LINGO2: variants seen among roughly 807,000 people sequenced by gnomAD.
The protein encoded by LINGO2 is leucine rich repeat and Ig domain containing 2.
In LINGO2, 14 loss-of-function variants were observed where a neutral mutation model predicts 30.6. That is an observed-to-expected ratio of 0.46 (90% CI 0.30 to 0.72). The LOEUF is 0.72. Among genes scored for constraint, LINGO2 ranks in the 30% least tolerant of loss-of-function variants. LINGO2 has a pLI of 0.07. For synonymous variants in LINGO2, 317 were observed against 288.5 expected, an observed-to-expected ratio of 1.10 and a Z score of -1.00; for missense variants, 729 against 751.7, an observed-to-expected ratio of 0.97 and a Z score of 0.35.
the LINGO2 span, among the ~76,000 whole-genome samples, chr9:29,076,470 G>C: frequency 6.6e-6 from 1 of 151,340 alleles, no homozygotes; most frequent in Non-Finnish European, 1.5e-5. Context: ...GCAGCAATTA[G>C]ACAGAAACTG....
chr9:28,991,994 GAAACA>G, the LINGO2 span, among the ~76,000 whole-genome samples: 1 of 152,164 alleles, frequency 6.6e-6, no homozygotes, highest in Non-Finnish European at 1.5e-5. Context: ...CATAATGACA[GAAACA>G]AATTCACACA....
intron 1 of LINGO2, among the ~76,000 whole-genome samples, chr9:28,577,491 C>A (rs972847996): frequency 2.0e-5 from 3 of 152,242 alleles, no homozygotes; most frequent in African/African-American, 7.2e-5. Context: ...CCACTGTCCA[C>A]AACACTATCT....
intron 5 of LINGO2, among the ~76,000 whole-genome samples, chr9:27,969,438 G>T (rs368253091): frequency 6.6e-6 from 1 of 151,932 alleles, no homozygotes; most frequent in Non-Finnish European, 1.5e-5. Context: ...CATTTACAGG[G>T]CTACTAAATA....
chr9:28,995,884 G>C, the LINGO2 span, among the ~76,000 whole-genome samples: 1 of 82,312 alleles, frequency 1.2e-5, no homozygotes, highest in Admixed American at 1.3e-4. Flanking sequence ...GTAGGGGGAT[G>C]GGGGAGGGAT....
At position 28,051,274 on chromosome 9, in the gene LINGO2, T is replaced by C. The variant is rs141715680; in HGVS notation, c.-86-38869A>G. On this transcript the variant is annotated intron_variant, in intron 4 of 5. Transcript: ENST00000379992. ...TCAGAAAGAATATAGCTAGATACAG[T>C]ATTGGGTCAAGTTCATAAAACATAT... Among the ~76,000 whole-genome samples the C allele has an allele frequency of 2.2e-3, 330 of 152,118 alleles. 8 individuals carry two copies. The highest frequency in any genetic ancestry group is 7.7e-3 in the African/African-American group (321 of 41,492).
chr9:28,830,225 G>T, the LINGO2 span, among the ~76,000 whole-genome samples: 1 of 152,168 alleles, frequency 6.6e-6, no homozygotes, highest in Non-Finnish European at 1.5e-5. Flanking sequence ...AAAAATGCTT[G>T]CTTCTTGGGC....
chr9:28,302,755 T>C (rs1201788691), intron 3 of LINGO2, among the ~76,000 whole-genome samples: 1 of 152,136 alleles, frequency 6.6e-6, no homozygotes, highest in Non-Finnish European at 1.5e-5. Flanking sequence ...AGAAGAGAGA[T>C]GGGAAAATAA....
At chr9:28,334,463 A>G (rs369350070) in intron 3 of LINGO2, among the ~76,000 whole-genome samples, 3 of 152,184 alleles carry the variant, frequency 2.0e-5, no homozygotes, top group East Asian at 3.8e-4. Context: ...TTAGGTATCT[A>G]AAATCATATA....
At chr9:28,702,264 TTG>T in the LINGO2 span, among the ~76,000 whole-genome samples, 1 of 151,926 alleles carries the variant, frequency 6.6e-6, no homozygotes, top group Middle Eastern at 3.4e-3. Context: ...AGAATTTTTT[TTG>T]TAGATGTTCT....
Position 28,401,867 on chromosome 9 carries a change from C to T in LINGO2, c.-278-28999G>A, listed in dbSNP as rs80030589. On this transcript the variant is annotated intron_variant, in intron 2 of 5. Coordinates refer to ENST00000379992, the Ensembl canonical transcript of LINGO2. ...ATGGTATCTCACTGTGGTTTTGATT[C>T]GTATTTCTTTGATGATCAGTGATGT... 1.4e-4 allele frequency among the ~76,000 whole-genome samples: 21 copies of T among 152,066 alleles called. No individual in the cohort carries two copies. In the East Asian group the frequency reaches 1.5e-3, roughly 11 times the overall value.
chr9:28,163,850 A>C (rs1479689839), intron 4 of LINGO2, among the ~76,000 whole-genome samples: 1 of 152,158 alleles, frequency 6.6e-6, no homozygotes, highest in African/African-American at 2.4e-5. Context: ...TAAAGCTCTA[A>C]TAACAATTGT....
chr9:28,899,494 A>C, the LINGO2 span, among the ~76,000 whole-genome samples: 1 of 152,134 alleles, frequency 6.6e-6, no homozygotes. Flanking sequence ...GGCTGACCCC[A>C]GTGGCTCCCT....
At chr9:28,428,860 G>A (rs534061917) in intron 2 of LINGO2, among the ~76,000 whole-genome samples, 2 of 152,194 alleles carry the variant, frequency 1.3e-5, no homozygotes, top group East Asian at 1.9e-4. Context: ...CTGCATTTAG[G>A]GAGAATGTAA....
At chr9:27,991,149 C>T (rs1372331343) in intron 5 of LINGO2, among the ~76,000 whole-genome samples, 1 of 152,008 alleles carries the variant, frequency 6.6e-6, no homozygotes, top group Admixed American at 6.6e-5. Context: ...TTATTCTAAG[C>T]TCTGTTTTTC....
the LINGO2 span, among the ~76,000 whole-genome samples, chr9:28,773,692 T>G: frequency 1.1e-4 from 16 of 152,198 alleles, no homozygotes; most frequent in African/African-American, 3.6e-4. Flanking sequence ...AGATGATATT[T>G]TGCTCTCAAT....
chr9:28,748,107 C>A, the LINGO2 span, among the ~76,000 whole-genome samples: 1 of 151,936 alleles, frequency 6.6e-6, no homozygotes, highest in Non-Finnish European at 1.5e-5. Flanking sequence ...ATGGTGATTT[C>A]TTTCCACTGG....
the LINGO2 span, among the ~76,000 whole-genome samples, chr9:29,017,191 T>C: frequency 6.6e-6 from 1 of 152,018 alleles, no homozygotes; most frequent in Non-Finnish European, 1.5e-5. Context: ...TAAGGAAGAC[T>C]CTGAGTTGCC....
At chr9:28,715,907 C>T in the LINGO2 span, among the ~76,000 whole-genome samples, 2 of 151,952 alleles carry the variant, frequency 1.3e-5, no homozygotes, top group Admixed American at 6.6e-5. Context: ...ATCCAGAGGG[C>T]TTTTCCAATA....
At chr9:28,248,113 C>G (rs565368983) in intron 4 of LINGO2, among the ~76,000 whole-genome samples, 80 of 152,214 alleles carry the variant, frequency 5.3e-4, no homozygotes, top group Non-Finnish European at 9.4e-4. Context: ...GGGTATGTAT[C>G]TAAAAGAAAG....
Sources: allele counts gnomAD v4.1 joint callset (sites outside exome capture counted in the v4.1 genomes callset), GRCh38; gene constraint gnomAD v4.1.1; transcripts MANE v1.5; gene names NCBI Gene and HGNC (gene_info 2026-07-23, HGNC 2026-07-21).